Variants in ATP8A2 observed in about 807,000 individuals in gnomAD.
The protein encoded by ATP8A2 is phospholipid-transporting ATPase IB.
Under a neutral mutation model 165.6 loss-of-function variants are expected in ATP8A2, and 100 were observed. That is an observed-to-expected ratio of 0.60 (90% CI 0.51 to 0.71). The LOEUF is 0.71. ATP8A2 is among the 30% of genes least tolerant of loss of function. The pLI is 0.00. For synonymous variants in ATP8A2, 543 were observed against 548.8 expected (o/e 0.99, Z 0.15); for missense variants, 1,227 against 1,479.5 (o/e 0.83, Z 2.80).
intron 1 of ATP8A2, among the ~76,000 whole-genome samples, chr13:25,452,699 C>T (rs898458813): frequency 2.0e-5 from 3 of 152,118 alleles, no homozygotes; most frequent in African/African-American, 7.2e-5. Flanking sequence ...TCAATAGGTA[C>T]TGAATTAAGT....
intron 10 of ATP8A2, among the ~76,000 whole-genome samples, chr13:25,544,161 A>G (rs1402467897): frequency 6.6e-6 from 1 of 152,244 alleles, no homozygotes; most frequent in African/African-American, 2.4e-5. Flanking sequence ...ATATGGGTGC[A>G]ATAGTGAAAG....
At chr13:25,929,884 C>T (rs1287329070) in intron 33 of ATP8A2, among the ~76,000 whole-genome samples, 1 of 152,116 alleles carries the variant, frequency 6.6e-6, no homozygotes, top group African/African-American at 2.4e-5. Flanking sequence ...ATTTTTAATT[C>T]CCCTATCCCC....
intron 33 of ATP8A2, among the ~76,000 whole-genome samples, chr13:25,906,582 C>G (rs1057006645): frequency 1.1e-4 from 17 of 152,100 alleles, no homozygotes; most frequent in Admixed American, 9.2e-4. Context: ...CCCGCCTTCT[C>G]TCTCCCCCTC....
chr13:25,519,518 TGATG>T (rs1002994591), intron 2 of ATP8A2, among the ~76,000 whole-genome samples: 4 of 152,124 alleles, frequency 2.6e-5, no homozygotes, highest in African/African-American at 9.7e-5. Context: ...CTATTGCACA[TGATG>T]GATGGATGGA....
At chr13:26,009,382 A>G (rs1956799212) in intron 35 of ATP8A2, among the ~76,000 whole-genome samples, 2 of 152,178 alleles carry the variant, frequency 1.3e-5, no homozygotes, top group Non-Finnish European at 2.9e-5. Flanking sequence ...CACCCTCTCC[A>G]TGCTTCAGAA....
At chr13:25,867,196 G>A (rs1383584422) in intron 33 of ATP8A2, among the ~76,000 whole-genome samples, 1 of 126,122 alleles carries the variant, frequency 7.9e-6, no homozygotes, top group Non-Finnish European at 1.7e-5. Flanking sequence ...TGAGTTTTAT[G>A]TACACACTTG....
At chr13:25,607,869 T>C (rs2040558454) in intron 24 of ATP8A2, among the ~76,000 whole-genome samples, 1 of 152,240 alleles carries the variant, frequency 6.6e-6, no homozygotes, top group Non-Finnish European at 1.5e-5. Flanking sequence ...GAATATTTTG[T>C]TAACCAAATT....
At chr13:25,844,852 C>T (rs1273172403) in intron 30 of ATP8A2, among the ~76,000 whole-genome samples, 1 of 152,154 alleles carries the variant, frequency 6.6e-6, no homozygotes, top group African/African-American at 2.4e-5. Flanking sequence ...CTGCCTCCAC[C>T]ATCTATGGAG....
chr13:25,955,395 G>T (rs1490882817), intron 33 of ATP8A2, among the ~76,000 whole-genome samples: 1 of 152,036 alleles, frequency 6.6e-6, no homozygotes, highest in Non-Finnish European at 1.5e-5. Context: ...TATTAAAGAA[G>T]AAAAGAGAGA....
chr13:25,474,672 A>AT (rs200899499), intron 2 of ATP8A2, among the ~76,000 whole-genome samples: 1 of 149,318 alleles, frequency 6.7e-6, no homozygotes, highest in African/African-American at 2.4e-5. Context: ...TGAGATCCTA[A>AT]TTTTTTTTTT....
At chr13:25,531,263 A>ATATATAAGTTATATATGATATATGT (rs2038050918) in intron 4 of ATP8A2, among the ~76,000 whole-genome samples, 1 of 85,512 alleles carries the variant, frequency 1.2e-5, no homozygotes, top group Non-Finnish European at 2.4e-5. Flanking sequence ...GATATATATG[A>ATATATAAGTTATATATGATATATGT]TATATATGAT....
chr13:25,567,785 C>T (rs1487773738), intron 16 of ATP8A2, among the ~76,000 whole-genome samples: 2 of 152,194 alleles, frequency 1.3e-5, no homozygotes, highest in Non-Finnish European at 2.9e-5. Context: ...TCTAGCTGCA[C>T]TACAATAATG....
chr13:25,914,826 A>G (rs1360158802), intron 33 of ATP8A2, among the ~76,000 whole-genome samples: 1 of 152,062 alleles, frequency 6.6e-6, no homozygotes, highest in Non-Finnish European at 1.5e-5. Context: ...CCCTTTCTTT[A>G]ACTCCACCTC....
At chr13:25,976,418 T>C (rs943037920) in intron 35 of ATP8A2, among the ~76,000 whole-genome samples, 12 of 152,160 alleles carry the variant, frequency 7.9e-5, no homozygotes, top group Admixed American at 2.0e-4. Flanking sequence ...CTGCATCTTC[T>C]TACTTCAGGC....
chr13:25,820,617 A>G (rs1293352048), intron 27 of ATP8A2, among the ~76,000 whole-genome samples: 1 of 152,184 alleles, frequency 6.6e-6, no homozygotes, highest in African/African-American at 2.4e-5. Context: ...CCCACCAAAA[A>G]TGACATTTAT....
At chr13:25,379,717 G>A (rs186959410) in intron 1 of ATP8A2, among the ~76,000 whole-genome samples, 6 of 152,254 alleles carry the variant, frequency 3.9e-5, no homozygotes, top group African/African-American at 1.2e-4. Context: ...GGGACTCGGC[G>A]GAGCGGGCCC....
rs79642929 is a variant in ATP8A2 at position 25,536,837 on chromosome 13, A to T, written c.508-1151A>T. ...TATGCTCCCACTGATGGAGACTGAC[A>T]TTTATATGGACCTGTTTTATGCCAG... On this transcript the variant is annotated intron_variant, in intron 6 of 36. Transcript: ENST00000381655. Among the ~76,000 whole-genome samples the T allele has an allele frequency of 5.9e-3, 897 of 152,302 alleles. 10 individuals carry two copies. Among genetic ancestry groups the T allele is most frequent in the Non-Finnish European group, 0.011 (730 of 68,022 alleles).
intron 19 of ATP8A2, 149 bp from the exon 20 acceptor site, chr13:25,576,920 G>A (rs941959321): frequency 3.0e-6 from 2 of 658,194 alleles, no homozygotes; most frequent in Non-Finnish European, 2.7e-6. Context: ...TACACAGTTA[G>A]GTCCTACTTT....
chr13:25,745,023 C>T (rs2043999578), intron 25 of ATP8A2, among the ~76,000 whole-genome samples: 1 of 152,086 alleles, frequency 6.6e-6, no homozygotes, highest in South Asian at 2.1e-4. Context: ...TCACTACAAC[C>T]TCCGCCTCCC....
Sources: gnomAD v4.1 joint callset for allele counts (sites outside exome capture counted in the v4.1 genomes callset) on GRCh38, gnomAD v4.1.1 for gene constraint, MANE v1.5 for transcripts, NCBI Gene and HGNC (gene_info 2026-07-23, HGNC 2026-07-21) for gene names.